HEMK2: variants seen among roughly 807,000 people sequenced by gnomAD.
HEMK2 encodes the protein methyltransferase HEMK2.
the HEMK2 span, among the ~76,000 whole-genome samples, chr21:28,723,336 TG>T: frequency 6.6e-6 from 1 of 152,160 alleles, no homozygotes; most frequent in East Asian, 1.9e-4. Flanking sequence ...TTTAAAACAC[TG>T]AGAACAATTA....
At chr21:28,872,413 T>C in the HEMK2 span, 2 of 152,184 alleles carry the variant, frequency 1.3e-5, no homozygotes, top group African/African-American at 4.8e-5. Flanking sequence ...TGCACATGTG[T>C]TGAGAAATGG....
chr21:28,758,297 A>C, the HEMK2 span, among the ~76,000 whole-genome samples: 1 of 152,246 alleles, frequency 6.6e-6, no homozygotes, highest in African/African-American at 2.4e-5. Flanking sequence ...GCCATGATTA[A>C]GAATGAGTTG....
chr21:28,660,333 G>C, the HEMK2 span, among the ~76,000 whole-genome samples: 2 of 151,630 alleles, frequency 1.3e-5, no homozygotes, highest in Admixed American at 6.6e-5. Context: ...ATGTTGAACA[G>C]TAAATTGGGC....
chr21:28,806,444 A>G, the HEMK2 span, among the ~76,000 whole-genome samples: 4 of 152,198 alleles, frequency 2.6e-5, no homozygotes, highest in Non-Finnish European at 4.4e-5. Flanking sequence ...CTCAAAAAAA[A>G]TATGTTGAAA....
chr21:28,821,391 A>C, the HEMK2 span, among the ~76,000 whole-genome samples: 5 of 152,180 alleles, frequency 3.3e-5, no homozygotes, highest in Non-Finnish European at 1.5e-5. Flanking sequence ...ATAATAGCAA[A>C]ACTGGGTAAT....
At chr21:28,721,001 T>A in the HEMK2 span, among the ~76,000 whole-genome samples, 1 of 152,200 alleles carries the variant, frequency 6.6e-6, no homozygotes, top group South Asian at 2.1e-4. Flanking sequence ...ACAGTATGGA[T>A]TGCTACTGCT....
At chr21:28,628,089 A>T in the HEMK2 span, among the ~76,000 whole-genome samples, 1 of 152,070 alleles carries the variant, frequency 6.6e-6, no homozygotes, top group Non-Finnish European at 1.5e-5. Flanking sequence ...TTGTTGCTTC[A>T]TTCTTTCCTT....
At chr21:28,721,570 AGT>A in the HEMK2 span, among the ~76,000 whole-genome samples, 1 of 152,142 alleles carries the variant, frequency 6.6e-6, no homozygotes, top group East Asian at 1.9e-4. Flanking sequence ...TGTATTAGAC[AGT>A]GCTGATTTGA....
At chr21:28,865,817 TCA>T in the HEMK2 span, among the ~76,000 whole-genome samples, 1 of 151,502 alleles carries the variant, frequency 6.6e-6, no homozygotes, top group Non-Finnish European at 1.5e-5. Flanking sequence ...ATTATATACT[TCA>T]CAGTCTCCAA....
At chr21:28,820,770 T>C in the HEMK2 span, among the ~76,000 whole-genome samples, 1 of 152,244 alleles carries the variant, frequency 6.6e-6, no homozygotes, top group Non-Finnish European at 1.5e-5. Context: ...GGTTACTATA[T>C]TTCTGGCTCT....
At chr21:28,778,079 T>C in the HEMK2 span, among the ~76,000 whole-genome samples, 2 of 152,206 alleles carry the variant, frequency 1.3e-5, no homozygotes, top group African/African-American at 4.8e-5. Flanking sequence ...GAAATTTGTA[T>C]ACAATGAGAA....
At chr21:28,613,702 G>T in the HEMK2 span, among the ~76,000 whole-genome samples, 2 of 127,136 alleles carry the variant, frequency 1.6e-5, no homozygotes, top group Non-Finnish European at 3.1e-5. Flanking sequence ...ACTAAAAAGA[G>T]TCAGGCCAAG....
At chr21:28,802,302 T>A in the HEMK2 span, among the ~76,000 whole-genome samples, 2 of 152,218 alleles carry the variant, frequency 1.3e-5, no homozygotes, top group Non-Finnish European at 2.9e-5. Flanking sequence ...TACCCTCTGT[T>A]GAAAATAAAA....
At chr21:28,599,117 A>G in the HEMK2 span, among the ~76,000 whole-genome samples, 743 of 152,392 alleles carry the variant, frequency 4.9e-3, 5 homozygotes, top group Non-Finnish European at 7.1e-3. Context: ...GAGAGGATTC[A>G]GAAGCTATGA....
the HEMK2 span, among the ~76,000 whole-genome samples, chr21:28,732,437 T>A: frequency 6.6e-6 from 1 of 152,224 alleles, no homozygotes; most frequent in Non-Finnish European, 1.5e-5. Flanking sequence ...TGTGCTGGCA[T>A]CAAGGGATGT....
chr21:28,885,303 C>A, the HEMK2 span: 2 of 1,588,652 alleles, frequency 1.3e-6, no homozygotes, highest in East Asian at 2.3e-5. Flanking sequence ...GCGCCGCGGC[C>A]CACGTGCCCG....
At chr21:28,831,457 AAGAAC>A in the HEMK2 span, among the ~76,000 whole-genome samples, 8,418 of 51,714 alleles carry the variant, frequency 0.16, 1,820 homozygotes, top group East Asian at 0.45. Flanking sequence ...AAAGAAAGAA[AAGAAC>A]GAAAGAAAGA....
chr21:28,785,273 A>G, the HEMK2 span, among the ~76,000 whole-genome samples: 4 of 152,224 alleles, frequency 2.6e-5, no homozygotes, highest in African/African-American at 9.6e-5. Context: ...TCCAGACACA[A>G]TATCATTACT....
the HEMK2 span, among the ~76,000 whole-genome samples, chr21:28,731,756 T>C: frequency 1.1e-5 from 1 of 93,944 alleles, no homozygotes; most frequent in Middle Eastern, 5.2e-3. Context: ...TAAAGTATAA[T>C]AATAAAAAAA....
Sources: gnomAD v4.1 joint callset for allele counts (sites outside exome capture counted in the v4.1 genomes callset) on GRCh38, gnomAD v4.1.1 for gene constraint, MANE v1.5 for transcripts, NCBI Gene and HGNC (gene_info 2026-07-23, HGNC 2026-07-21) for gene names.